Variants in MAP3K15 observed in about 807,000 individuals in gnomAD.
The protein encoded by MAP3K15 is MAPK/ERK kinase kinase 15.
MAP3K15 carries 124 observed loss-of-function variants against 99.5 expected under a neutral mutation model. The observed-to-expected ratio is 1.25, with a 90% CI of 1.08 to 1.45. MAP3K15 has a LOEUF of 1.45. MAP3K15 is among the 40% of genes most tolerant of loss of function. The probability of loss-of-function intolerance (pLI) is 0.00; values close to 1 mark genes in which losing one functional copy is unlikely to be tolerated. For synonymous variants in MAP3K15, 494 were observed against 439.6 expected, an observed-to-expected ratio of 1.12 and a Z score of -1.55; for missense variants, 1,242 against 1,079.7, an observed-to-expected ratio of 1.15 and a Z score of -2.11.
intron 24 of MAP3K15, among the ~76,000 whole-genome samples, chrX:19,370,448 T>C (rs1484745710): frequency 1.8e-5 from 2 of 110,004 alleles, no homozygotes; most frequent in Admixed American, 1.9e-4. Flanking sequence ...CAGGCTGGAG[T>C]GCAGTGGCGT....
chrX:19,473,729 G>C (rs560605015), intron 3 of MAP3K15, among the ~76,000 whole-genome samples: 1 of 110,985 alleles, frequency 9.0e-6, no homozygotes, highest in African/African-American at 3.3e-5. Context: ...AAAGGTTTTA[G>C]TTCCTGACCT....
In MAP3K15 at chrX:19,368,939, T is replaced by C. The variant is rs764990700; in HGVS notation, c.3566+115A>G. The stretch of plus-strand genomic sequence containing the variant: ...CCTAGTTCGTGGATGATGAAGCTGC[T>C]TTTTCCTAAGACCTGGGTGAGATGG... On this transcript the variant is annotated intron_variant, in intron 25 of 28. Transcript: ENST00000338883. 6 of 848,602 alleles carry C rather than the reference T, an allele frequency of 7.1e-6. No individual in the cohort carries two copies. The East Asian group carries it at 2.3e-4, about 33-fold the overall frequency. The allele number at this position is 848,602 out of a possible 1,213,427, so 69.9% of individuals were successfully genotyped here. A position where few individuals can be genotyped will look rare whatever the true frequency, so the allele number is the denominator to read the frequency against.
rs1602269010 is a variant in MAP3K15, at chrX:19,395,064, A to G, written c.2194+17T>C. 1.7e-5 allele frequency: 21 copies of G among 1,202,945 alleles called. No homozygotes were observed. In the East Asian group the frequency reaches 6.3e-4, roughly 36 times the overall value. ...GTGATTTTCAGAATGTGAGACCAGAAGACAGCGACTACTCACCTCCAGGCA... is the reference window on the plus strand; with the variant it reads ...GTGATTTTCAGAATGTGAGACCAGAGGACAGCGACTACTCACCTCCAGGCA... On this transcript the variant is annotated intron_variant, in intron 16 of 28. Coordinates refer to ENST00000338883, the MANE Select transcript of MAP3K15 (RefSeq NM_001001671.4).
chrX:19,425,097 A>G (rs1394792167), intron 9 of MAP3K15, among the ~76,000 whole-genome samples: 1 of 111,472 alleles, frequency 9.0e-6, no homozygotes, highest in Non-Finnish European at 1.9e-5. Context: ...CTGCACATTT[A>G]AATGGCCGTG....
chrX:19,503,812 T>G (rs1488525992), intron 1 of MAP3K15, among the ~76,000 whole-genome samples: 1 of 109,775 alleles, frequency 9.1e-6, no homozygotes, highest in African/African-American at 3.3e-5. Flanking sequence ...CTAAAATAAG[T>G]TGAAACAAGA....
rs956170311 is a variant in MAP3K15 at position 19,363,265 on chromosome X, A to C, written c.3567-415T>G. Among the ~76,000 whole-genome samples the C allele has an allele frequency of 7.1e-5, 8 of 111,984 alleles. No individual in the cohort carries two copies. The East Asian group carries it at 2.3e-3, about 32-fold the overall frequency. ...CCCCAGAGGCTCCCTCATCCCTTCC[A>C]CCATGTGAGGACACACCGCGAGAAG... is the stretch of plus-strand genomic sequence containing the variant. On this transcript the variant is annotated intron_variant, in intron 25 of 28. Transcript: ENST00000338883.
intron 4 of MAP3K15, among the ~76,000 whole-genome samples, chrX:19,462,168 G>A (rs2064137782): frequency 8.9e-6 from 1 of 111,751 alleles, no homozygotes; most frequent in Non-Finnish European, 1.9e-5. Flanking sequence ...AACAAATGGT[G>A]CCTACTTTCA....
At chrX:19,400,941 C>T (rs2147260505) in intron 13 of MAP3K15, among the ~76,000 whole-genome samples, 1 of 111,406 alleles carries the variant, frequency 9.0e-6, no homozygotes, top group African/African-American at 3.3e-5. Flanking sequence ...CATTACCTCC[C>T]AAAGACAGCT....
At chrX:19,424,197 C>T (rs1339678259) in intron 9 of MAP3K15, among the ~76,000 whole-genome samples, 18 of 107,725 alleles carry the variant, frequency 1.7e-4, no homozygotes, top group African/African-American at 6.2e-4. Flanking sequence ...TATATATACA[C>T]ACACACACAC....
At chrX:19,407,576 C>G (rs1251177931) in intron 12 of MAP3K15, among the ~76,000 whole-genome samples, 2 of 112,174 alleles carry the variant, frequency 1.8e-5, no homozygotes, top group Non-Finnish European at 3.8e-5. Context: ...ATATGGTTCT[C>G]TGTCCTCAAG....
At chrX:19,504,136 G>A (rs1255326478) in intron 1 of MAP3K15, among the ~76,000 whole-genome samples, 1 of 106,141 alleles carries the variant, frequency 9.4e-6, no homozygotes, top group Non-Finnish European at 1.9e-5. Flanking sequence ...GTGAGGGGAG[G>A]GGAGGGGGAA....
chrX:19,395,171 T>C lies in MAP3K15; in HGVS notation c.2104A>G (p.Lys702Glu), dbSNP rs1265108227. 1 of 1,209,047 alleles carries C rather than the reference T, an allele frequency of 8.3e-7. No individual in the cohort carries two copies. Among genetic ancestry groups the C allele is most frequent in the East Asian group, 3.0e-5 (1 of 33,689 alleles). The change falls in exon 16 of 29, where the codon AAG becomes GAG. Residue 702 changes from lysine (K) to glutamate (E), a missense_variant. By Grantham distance (56) the Lys-to-Glu change is moderately conservative. Coordinates refer to ENST00000338883, the MANE Select transcript of MAP3K15 (RefSeq NM_001001671.4). ...ACGATATTGCGGTGCTTAAGGTACT[T>C]GTGCAGGGCTATCTCCTCGTGCAGA... Reference protein sequence around the residue: ...QPLHEEIALHKYLKHRNIVQY... With the variant: ...QPLHEEIALHEYLKHRNIVQY...
At chrX:19,421,253 G>A (rs1320395916) in intron 9 of MAP3K15, among the ~76,000 whole-genome samples, 7 of 111,421 alleles carry the variant, frequency 6.3e-5, no homozygotes, top group Non-Finnish European at 1.3e-4. Flanking sequence ...GTCCCTGTTT[G>A]CAGATGACAT....
chrX:19,479,201 T>A (rs2064273098), intron 3 of MAP3K15, among the ~76,000 whole-genome samples: 1 of 111,874 alleles, frequency 8.9e-6, no homozygotes, highest in Non-Finnish European at 1.9e-5. Flanking sequence ...TGCCCCAGTT[T>A]CTGGGAGCTC....
chrX:19,493,346 C>CA (rs755083263), intron 1 of MAP3K15, among the ~76,000 whole-genome samples: 1,164 of 48,982 alleles, frequency 0.024, 13 homozygotes, highest in African/African-American at 0.063. Context: ...TACTGCTACT[C>CA]AAAAAAAAAA....
At chrX:19,471,352 T>C (rs2064206745) in intron 3 of MAP3K15, among the ~76,000 whole-genome samples, 1 of 110,347 alleles carries the variant, frequency 9.1e-6, no homozygotes, top group Non-Finnish European at 1.9e-5. Flanking sequence ...ACAACCTCCG[T>C]CTACCAGGTT....
In MAP3K15 at chrX:19,371,430, G is replaced by C; in HGVS notation, c.3209C>G (p.Thr1070Arg). 8.3e-7 allele frequency: 1 copy of C among 1,211,231 alleles called. No homozygotes were observed. The highest frequency in any genetic ancestry group is 1.1e-6 in the Non-Finnish European group (1 of 895,045). The change falls in exon 23 of 29, where the codon ACA becomes AGA. Residue 1070 changes from threonine (T) to arginine (R), a missense_variant. Coordinates refer to ENST00000338883, the MANE Select transcript of MAP3K15 (RefSeq NM_001001671.4). ...RSPEHRVMAT[T>R]ISKLKVDLDF... Reference sequence around the variant, plus strand: ...CAGGTCCACCTTGAGCTTTGATATTGTGGTCGCCATCACCCGGTGCTCTGG... The same window carrying C: ...CAGGTCCACCTTGAGCTTTGATATTCTGGTCGCCATCACCCGGTGCTCTGG...
At chrX:19,471,886 G>C (rs937233436) in intron 3 of MAP3K15, among the ~76,000 whole-genome samples, 6 of 111,737 alleles carry the variant, frequency 5.4e-5, no homozygotes, top group African/African-American at 2.0e-4. Flanking sequence ...AACACTTTCA[G>C]ATCAACAAAA....
At chrX:19,504,955 CA>C (rs778010766) in intron 1 of MAP3K15, among the ~76,000 whole-genome samples, 4,694 of 51,708 alleles carry the variant, frequency 0.091, 328 homozygotes, top group African/African-American at 0.25. Flanking sequence ...GACCTCCTCT[CA>C]AAAAAAAAAA....
Sources: gnomAD v4.1 joint callset for allele counts (sites outside exome capture counted in the v4.1 genomes callset) on GRCh38, gnomAD v4.1.1 for gene constraint, MANE v1.5 for transcripts, NCBI Gene and HGNC (gene_info 2026-07-23, HGNC 2026-07-21) for gene names.